Variants in FRMPD4 observed in about 807,000 individuals in gnomAD.
FRMPD4 encodes FERM and PDZ domain-containing protein 4.
FRMPD4 carries 22 observed loss-of-function variants against 94.1 expected under a neutral mutation model. The ratio of observed to expected loss-of-function variants is 0.23; its 90% CI spans 0.17 to 0.33. The LOEUF is 0.33. FRMPD4 is among the 10% of genes least tolerant of loss of function. The pLI, the probability that FRMPD4 is intolerant of heterozygous loss-of-function variation, is 1.00. For synonymous variants in FRMPD4, 631 were observed against 548.6 expected, an observed-to-expected ratio of 1.15 and a Z score of -2.10; for missense variants, 1,111 against 1,339.9, an observed-to-expected ratio of 0.83 and a Z score of 2.67.
intron 2 of FRMPD4, among the ~76,000 whole-genome samples, chrX:12,517,813 A>G (rs2058119324): frequency 8.9e-6 from 1 of 112,867 alleles, no homozygotes; most frequent in Non-Finnish European, 1.9e-5. Flanking sequence ...GGAAAGACTA[A>G]GTCTGCTGAT....
At chrX:11,943,585 G>GGATAACTC (rs2147358801) in intron 3 of FRMPD4, among the ~76,000 whole-genome samples, 1 of 110,332 alleles carries the variant, frequency 9.1e-6, no homozygotes, top group South Asian at 3.9e-4. Context: ...CTGGATAACT[G>GGATAACTC]ACCCACTCCC....
chrX:11,988,252 G>A (rs1464485839), intron 3 of FRMPD4, among the ~76,000 whole-genome samples: 1 of 111,562 alleles, frequency 9.0e-6, no homozygotes, highest in East Asian at 2.8e-4. Flanking sequence ...ATAGAGCAAT[G>A]GAACAGAAGA....
At chrX:12,376,457 T>C (rs951122121) in intron 1 of FRMPD4, among the ~76,000 whole-genome samples, 1 of 112,966 alleles carries the variant, frequency 8.9e-6, no homozygotes, top group Admixed American at 9.3e-5. Context: ...AGAAACTGAA[T>C]TTGTATACTT....
intron 1 of FRMPD4, among the ~76,000 whole-genome samples, chrX:12,230,879 AATATATACTATATATATACT>A (rs2056977931): frequency 1.1e-5 from 1 of 89,333 alleles, no homozygotes; most frequent in East Asian, 3.2e-4. Flanking sequence ...TATATATAAT[AATATATACTATATATATACT>A]ATATATACTA....
intron 4 of FRMPD4, among the ~76,000 whole-genome samples, chrX:12,660,398 A>G (rs745822627): frequency 9.0e-6 from 1 of 111,447 alleles, no homozygotes; most frequent in Non-Finnish European, 1.9e-5. Context: ...CCCATTCTCC[A>G]CAAGTCCATA....
At chrX:12,500,976 T>C (rs2057913511) in intron 2 of FRMPD4, among the ~76,000 whole-genome samples, 1 of 112,296 alleles carries the variant, frequency 8.9e-6, no homozygotes, top group African/African-American at 3.2e-5. Context: ...CTTCTCTGAT[T>C]AAAACAGGTG....
Position 12,499,141 on chromosome X carries a change from G to A in FRMPD4, c.158+345G>A, listed in dbSNP as rs778141527. On this transcript the variant is annotated intron_variant, in intron 2 of 16. Coordinates refer to ENST00000675598, the MANE Select transcript of FRMPD4 (RefSeq NM_001368397.1). ...TATTCGTTGTCTGAGATTAACAACC[G>A]AAGTTGGACATGCAAGAATCTCATT... Among the ~76,000 whole-genome samples, 9 of 111,439 alleles carry A rather than the reference G, an allele frequency of 8.1e-5. No homozygotes were observed. The South Asian group carries it at 1.5e-3, about 19-fold the overall frequency.
chrX:12,563,428 C>G (rs762465668), intron 2 of FRMPD4, among the ~76,000 whole-genome samples: 3 of 111,970 alleles, frequency 2.7e-5, no homozygotes, highest in African/African-American at 9.8e-5. Context: ...CTGTCCATCA[C>G]CCTTTGTGGA....
chrX:12,447,803 A>G (rs908795386), intron 1 of FRMPD4, among the ~76,000 whole-genome samples: 2 of 112,395 alleles, frequency 1.8e-5, no homozygotes, highest in Non-Finnish European at 1.9e-5. Context: ...TCAAAACAAC[A>G]TACAAAAATA....
intron 2 of FRMPD4, among the ~76,000 whole-genome samples, chrX:12,540,953 C>A (rs1401025399): frequency 8.9e-6 from 1 of 112,017 alleles, no homozygotes. Context: ...AACCGCCCAA[C>A]TACATGGAAA....
intron 1 of FRMPD4, among the ~76,000 whole-genome samples, chrX:12,445,997 G>T (rs774790397): frequency 3.6e-5 from 4 of 112,272 alleles, no homozygotes; most frequent in Non-Finnish European, 7.5e-5. Context: ...TATCACAAGG[G>T]TTGTTCAATG....
chrX:12,057,222 C>T (rs1021177236), intron 3 of FRMPD4, among the ~76,000 whole-genome samples: 8 of 111,670 alleles, frequency 7.2e-5, no homozygotes, highest in Non-Finnish European at 1.5e-4. Flanking sequence ...ATCAGCATCA[C>T]TGAAAAGAAT....
At chrX:11,842,284 G>A (rs1471701691) in intron 1 of FRMPD4, among the ~76,000 whole-genome samples, 2 of 101,223 alleles carry the variant, frequency 2.0e-5, no homozygotes, top group Non-Finnish European at 2.0e-5. Flanking sequence ...ATTCTGTGAC[G>A]AAAGTCATTG....
chrX:12,219,951 G>A (rs905655556), intron 1 of FRMPD4, among the ~76,000 whole-genome samples: 2 of 111,904 alleles, frequency 1.8e-5, no homozygotes, highest in African/African-American at 6.5e-5. Context: ...AGACCAGCCC[G>A]ACCAACATGG....
intron 1 of FRMPD4, among the ~76,000 whole-genome samples, chrX:12,423,219 A>G (rs1420901862): frequency 9.2e-6 from 1 of 109,081 alleles, no homozygotes; most frequent in Non-Finnish European, 1.9e-5. Context: ...AGCCTGGGTG[A>G]GAGAGTGAGA....
chrX:11,946,190 CT>C (rs953355557), intron 3 of FRMPD4, among the ~76,000 whole-genome samples: 3 of 110,866 alleles, frequency 2.7e-5, no homozygotes, highest in Non-Finnish European at 3.8e-5. Flanking sequence ...ATGTCTAATC[CT>C]TTTTTTTGCC....
At chrX:12,264,590 T>G (rs2054244987) in intron 1 of FRMPD4, among the ~76,000 whole-genome samples, 1 of 112,249 alleles carries the variant, frequency 8.9e-6, no homozygotes, top group Admixed American at 9.4e-5. Flanking sequence ...TGGAATTAAG[T>G]GAGATGTAAG....
chrX:11,929,830 G>A (rs1470816033), intron 3 of FRMPD4, among the ~76,000 whole-genome samples: 1 of 110,772 alleles, frequency 9.0e-6, no homozygotes, highest in East Asian at 2.9e-4. Context: ...ACCATCAGCC[G>A]GGTGCGGTGG....
chrX:11,972,550 T>C (rs1408182828), intron 3 of FRMPD4, among the ~76,000 whole-genome samples: 3 of 112,286 alleles, frequency 2.7e-5, no homozygotes, highest in Non-Finnish European at 5.6e-5. Flanking sequence ...AGTGTAGTAT[T>C]TTGAAGCACA....
Sources: allele counts gnomAD v4.1 joint callset (sites outside exome capture counted in the v4.1 genomes callset), GRCh38; gene constraint gnomAD v4.1.1; transcripts MANE v1.5; gene names NCBI Gene and HGNC (gene_info 2026-07-23, HGNC 2026-07-21).